The following CNTNAP2 variants were observed in gnomAD, a reference collection of about 807,000 sequenced individuals.
CNTNAP2 encodes contactin associated protein 2.
A neutral mutation model predicts 155.2 loss-of-function variants in CNTNAP2; 98 were observed. The ratio of observed to expected loss-of-function variants is 0.63; its 90% confidence interval spans 0.54 to 0.75. The LOEUF (loss-of-function observed/expected upper bound fraction) is 0.75, where lower values mean the gene tolerates loss of function less well. Among genes scored for constraint, CNTNAP2 ranks in the 30% least tolerant of loss-of-function variants. The probability of loss-of-function intolerance (pLI) is 0.00; values close to 1 mark genes in which losing one functional copy is unlikely to be tolerated. For synonymous variants in CNTNAP2, 651 were observed against 631.2 expected (o/e 1.03, Z -0.47); for missense variants, 1,727 against 1,688.1 (o/e 1.02, Z -0.40).
intron 13 of CNTNAP2, among the ~76,000 whole-genome samples, chr7:147,759,831 A>G (rs1797272637): frequency 6.6e-6 from 1 of 152,168 alleles, no homozygotes; most frequent in Non-Finnish European, 1.5e-5. Flanking sequence ...CCACTGGGCC[A>G]TATCCCACAA....
At chr7:147,196,790 G>A (rs1049430891) in intron 8 of CNTNAP2, among the ~76,000 whole-genome samples, 7 of 152,086 alleles carry the variant, frequency 4.6e-5, no homozygotes, top group African/African-American at 1.4e-4. Context: ...ACTGAATGAC[G>A]CGAAAAATAT....
chr7:146,886,094 T>A (rs1795652574), intron 3 of CNTNAP2, among the ~76,000 whole-genome samples: 1 of 151,968 alleles, frequency 6.6e-6, no homozygotes, highest in Non-Finnish European at 1.5e-5. Context: ...TTATAAAAAT[T>A]TGAAGGTTTA....
chr7:147,627,668 G>A (rs1308824632), intron 12 of CNTNAP2, among the ~76,000 whole-genome samples: 1 of 136,014 alleles, frequency 7.4e-6, no homozygotes, highest in Non-Finnish European at 1.5e-5. Flanking sequence ...CTCCAGCCTG[G>A]GGGACAGAGC....
intron 15 of CNTNAP2, among the ~76,000 whole-genome samples, chr7:148,070,544 C>T (rs1803361232): frequency 6.6e-6 from 1 of 152,138 alleles, no homozygotes; most frequent in African/African-American, 2.4e-5. Context: ...TGGCAAAACC[C>T]TGTTTCTACT....
At chr7:146,331,071 G>A (rs887281587) in intron 1 of CNTNAP2, among the ~76,000 whole-genome samples, 3 of 152,206 alleles carry the variant, frequency 2.0e-5, no homozygotes, top group African/African-American at 7.2e-5. Flanking sequence ...TTGGGAGGCC[G>A]AGTCGGGCGG....
intron 13 of CNTNAP2, among the ~76,000 whole-genome samples, chr7:147,675,216 C>T (rs964362024): frequency 2.0e-5 from 3 of 152,046 alleles, no homozygotes; most frequent in Non-Finnish European, 4.4e-5. Context: ...GCCTTCCATT[C>T]AGTGTCTCAA....
At chr7:146,625,654 G>A (rs549377866) in intron 1 of CNTNAP2, among the ~76,000 whole-genome samples, 3 of 152,052 alleles carry the variant, frequency 2.0e-5, no homozygotes, top group Admixed American at 6.6e-5. Flanking sequence ...GAAAAGACTG[G>A]CAAAGACATA....
intron 4 of CNTNAP2, among the ~76,000 whole-genome samples, chr7:147,061,978 T>C (rs368136920): frequency 2.7e-5 from 4 of 149,972 alleles, no homozygotes; most frequent in Non-Finnish European, 5.9e-5. Context: ...AATACAAAAA[T>C]TTAGCCAGGC....
At chr7:147,777,262 C>T (rs879497866) in intron 13 of CNTNAP2, among the ~76,000 whole-genome samples, 1 of 152,162 alleles carries the variant, frequency 6.6e-6, no homozygotes, top group Admixed American at 6.5e-5. Flanking sequence ...TTAAGGACAG[C>T]ATATTATTTT....
chr7:146,549,957 ATGT>A (rs1319855414), intron 1 of CNTNAP2, among the ~76,000 whole-genome samples: 1 of 152,064 alleles, frequency 6.6e-6, no homozygotes, highest in Non-Finnish European at 1.5e-5. Context: ...TTTAGTCTCC[ATGT>A]TGTTATTAGT....
intron 15 of CNTNAP2, among the ~76,000 whole-genome samples, chr7:148,095,706 G>A (rs558790550): frequency 6.6e-6 from 1 of 152,186 alleles, no homozygotes; most frequent in African/African-American, 2.4e-5. Flanking sequence ...CACAAAAAGA[G>A]CACCATCGGG....
intron 11 of CNTNAP2, among the ~76,000 whole-genome samples, chr7:147,526,035 T>C (rs559202268): frequency 2.6e-5 from 4 of 151,704 alleles, no homozygotes; most frequent in African/African-American, 9.7e-5. Flanking sequence ...TGTACTAAAA[T>C]ACAAAAATTA....
chr7:148,218,081 G>A (rs144585795), intron 19 of CNTNAP2, among the ~76,000 whole-genome samples: 61 of 152,348 alleles, frequency 4.0e-4, no homozygotes, highest in East Asian at 1.5e-3. Flanking sequence ...AGCCATGATC[G>A]TGCCACTGCA....
intron 8 of CNTNAP2, among the ~76,000 whole-genome samples, chr7:147,257,825 A>G (rs924091756): frequency 1.3e-5 from 2 of 152,208 alleles, no homozygotes; most frequent in African/African-American, 4.8e-5. Flanking sequence ...GAACTTGGGA[A>G]AATGTAATAG....
chr7:147,690,364 T>G (rs1427963369), intron 13 of CNTNAP2, among the ~76,000 whole-genome samples: 1 of 152,186 alleles, frequency 6.6e-6, no homozygotes, highest in Non-Finnish European at 1.5e-5. Flanking sequence ...TTCTTTCATT[T>G]TATTGCATTT....
intron 17 of CNTNAP2, among the ~76,000 whole-genome samples, chr7:148,161,207 C>T (rs1196581880): frequency 3.3e-5 from 5 of 152,180 alleles, no homozygotes; most frequent in Non-Finnish European, 7.3e-5. Flanking sequence ...CGCTTCATGT[C>T]GGCACCATAA....
intron 1 of CNTNAP2, among the ~76,000 whole-genome samples, chr7:146,535,882 C>G (rs1330586013): frequency 2.0e-5 from 3 of 152,006 alleles, no homozygotes; most frequent in Non-Finnish European, 2.9e-5. Context: ...TATGATCATT[C>G]AGTGTAGATG....
intron 8 of CNTNAP2, among the ~76,000 whole-genome samples, chr7:147,193,392 G>T (rs183714655): frequency 6.6e-6 from 1 of 151,944 alleles, no homozygotes; most frequent in African/African-American, 2.4e-5. Context: ...TTCTATTTAT[G>T]TATTTTATTA....
Position 146,872,253 on chromosome 7 carries a change from A to T in CNTNAP2, c.402+32349A>T, listed in dbSNP as rs953661603. Among the ~76,000 whole-genome samples, 22 of 151,550 alleles carry T rather than the reference A, an allele frequency of 1.5e-4. No homozygotes were observed. In the Middle Eastern group the frequency reaches 0.01, roughly 70 times the overall value. ...TATGAAAACAGATATCACAAGAAAA[A>T]AGTATATATAGACCACCCCCCAAAA... On this transcript the variant is annotated intron_variant, in intron 3 of 23. Coordinates refer to ENST00000361727, the MANE Select transcript of CNTNAP2 (RefSeq NM_014141.6).
Sources: gnomAD v4.1 joint callset for allele counts (sites outside exome capture counted in the v4.1 genomes callset) on GRCh38, gnomAD v4.1.1 for gene constraint, MANE v1.5 for transcripts, NCBI Gene and HGNC (gene_info 2026-07-23, HGNC 2026-07-21) for gene names.